Variants in BICC1 observed in about 807,000 individuals in gnomAD.
BICC1 encodes protein bicaudal C homolog 1.
A neutral mutation model predicts 111.0 loss-of-function variants in BICC1; 43 were observed. That is an observed-to-expected ratio of 0.39 (90% CI 0.30 to 0.50). The LOEUF is 0.50. BICC1 is among the 20% of genes least tolerant of loss of function. BICC1 has a pLI of 0.88. For synonymous variants in BICC1, 467 were observed against 434.4 expected (o/e 1.07, Z -0.93); for missense variants, 1,091 against 1,203.2 (o/e 0.91, Z 1.38).
chr10:58,661,956 A>G (rs1305433765), intron 2 of BICC1, among the ~76,000 whole-genome samples: 1 of 152,218 alleles, frequency 6.6e-6, no homozygotes, highest in East Asian at 1.9e-4. Context: ...TTTTAACCTT[A>G]GAACTGTCAC....
chr10:58,538,210 C>G (rs1364267402), intron 1 of BICC1, among the ~76,000 whole-genome samples: 1 of 151,810 alleles, frequency 6.6e-6, no homozygotes, highest in African/African-American at 2.4e-5. Context: ...CATCACATTA[C>G]CTAACTTCAA....
At chr10:58,700,201 T>C (rs1840189196) in intron 2 of BICC1, among the ~76,000 whole-genome samples, 1 of 151,756 alleles carries the variant, frequency 6.6e-6, no homozygotes, top group African/African-American at 2.4e-5. Context: ...GTGGGAAAAA[T>C]AATTGTGGTT....
intron 3 of BICC1, among the ~76,000 whole-genome samples, chr10:58,756,909 G>A (rs748807915): frequency 2.6e-5 from 4 of 152,146 alleles, no homozygotes; most frequent in Non-Finnish European, 5.9e-5. Flanking sequence ...TTCCTTGGTA[G>A]TTGGATTTCA....
intron 1 of BICC1, among the ~76,000 whole-genome samples, chr10:58,530,388 G>T (rs539522499): frequency 6.6e-6 from 1 of 151,926 alleles, no homozygotes; most frequent in East Asian, 1.9e-4. Context: ...GAGAGGCATT[G>T]GTCTGTCAGC....
Position 58,518,590 on chromosome 10 carries a change from T to TTG in BICC1, c.190+5257_190+5258insTG, listed in dbSNP as rs1564468222. On this transcript the variant is annotated intron_variant, in intron 1 of 20. Transcript: ENST00000373886. ...GTGAATCCTTTGTGTATGTGTGTGT[T>TTG]GGGGGGGGGGGGGTGTGTTTGATGT... 2.0e-4 allele frequency among the ~76,000 whole-genome samples: 7 copies of TTG among 35,336 alleles called. 1 individual carries two copies. Among genetic ancestry groups the TTG allele is most frequent in the Admixed American group, 8.1e-4 (3 of 3,702 alleles). The allele number at this position is 35,336 out of a possible 152,430, so 23.2% of individuals were successfully genotyped here.
chr10:58,564,831 AT>A (rs1843708093), intron 1 of BICC1, among the ~76,000 whole-genome samples: 1 of 152,152 alleles, frequency 6.6e-6, no homozygotes. Context: ...TCCCTTTTTT[AT>A]TTATTTTGGC....
intron 20 of BICC1, among the ~76,000 whole-genome samples, chr10:58,822,407 T>G (rs1844277165): frequency 6.6e-6 from 1 of 152,138 alleles, no homozygotes; most frequent in Non-Finnish European, 1.5e-5. Context: ...TATATCAGTA[T>G]CTTTTGGGGG....
At chr10:58,804,526 A>T (rs1253965302) in intron 15 of BICC1, among the ~76,000 whole-genome samples, 2 of 152,198 alleles carry the variant, frequency 1.3e-5, no homozygotes, top group African/African-American at 4.8e-5. Flanking sequence ...TCAAAAATTA[A>T]AAATAAATAA....
chr10:58,634,801 A>G (rs929259524), intron 2 of BICC1, among the ~76,000 whole-genome samples: 2 of 152,208 alleles, frequency 1.3e-5, no homozygotes, highest in African/African-American at 4.8e-5. Context: ...AATAACATGC[A>G]TTTTGTATGT....
intron 3 of BICC1, among the ~76,000 whole-genome samples, chr10:58,722,697 A>G (rs1840977044): frequency 6.6e-6 from 1 of 152,236 alleles, no homozygotes; most frequent in Non-Finnish European, 1.5e-5. Context: ...AGAAGTAGCA[A>G]CTAATACTTA....
At position 58,513,178 on chromosome 10, in the gene BICC1, C is replaced by A; in HGVS notation, c.35C>A (p.Ala12Glu). 1 of 1,576,542 alleles carries A rather than the reference C, an allele frequency of 6.3e-7. No individual in the cohort carries two copies. Among genetic ancestry groups the A allele is most frequent in the Non-Finnish European group, 8.6e-7 (1 of 1,163,816 alleles). Reference sequence around the variant, plus strand: ...CAGGGAGAGCCCGGCTACCTGGCGGCGCAGTCGGACCCCGGCTCCAACAGC... The same window carrying A: ...CAGGGAGAGCCCGGCTACCTGGCGGAGCAGTCGGACCCCGGCTCCAACAGC... ...AAQGEPGYLA[A>E]QSDPGSNSER... Residue 12 changes from alanine to glutamate, a missense_variant, in exon 1 of 21, where the codon GCG becomes GAG. Transcript: ENST00000373886.
intron 1 of BICC1, among the ~76,000 whole-genome samples, chr10:58,513,623 C>T (rs1485524170): frequency 6.6e-6 from 1 of 152,240 alleles, no homozygotes; most frequent in East Asian, 1.9e-4. Context: ...GCGTTCTGGA[C>T]TTTGGAGATG....
intron 1 of BICC1, among the ~76,000 whole-genome samples, chr10:58,585,362 C>T (rs549271147): frequency 1.3e-5 from 2 of 152,130 alleles, no homozygotes; most frequent in South Asian, 2.1e-4. Context: ...TTCCTAAGGA[C>T]GGGTGCTATC....
intron 2 of BICC1, among the ~76,000 whole-genome samples, chr10:58,631,015 A>T (rs1300835489): frequency 1.2e-4 from 19 of 152,192 alleles, no homozygotes; most frequent in Non-Finnish European, 2.4e-4. Flanking sequence ...AGTTACCAGC[A>T]TTATTCAAGA....
intron 15 of BICC1, among the ~76,000 whole-genome samples, chr10:58,803,641 C>A (rs1314682380): frequency 6.6e-6 from 1 of 151,936 alleles, no homozygotes; most frequent in African/African-American, 2.4e-5. Flanking sequence ...GTGTTTGGTG[C>A]CATTTAAAGA....
At chr10:58,682,380 C>T (rs1839556420) in intron 2 of BICC1, among the ~76,000 whole-genome samples, 1 of 151,474 alleles carries the variant, frequency 6.6e-6, no homozygotes, top group East Asian at 1.9e-4. Context: ...TGGGTATATA[C>T]CTAGTAATAG....
intron 2 of BICC1, among the ~76,000 whole-genome samples, chr10:58,686,319 T>C (rs913522237): frequency 2.0e-5 from 3 of 152,228 alleles, no homozygotes; most frequent in African/African-American, 7.2e-5. Context: ...ATTTCAACTT[T>C]GGTGAATCTG....
chr10:58,784,841 A>G (rs1842966848), intron 3 of BICC1, among the ~76,000 whole-genome samples, 160 bp from the exon 4 acceptor site: 2 of 152,174 alleles, frequency 1.3e-5, no homozygotes, highest in African/African-American at 4.8e-5. Context: ...TGTTGTTGTT[A>G]CAATAACACA....
chr10:58,764,675 T>C (rs897980237), intron 3 of BICC1, among the ~76,000 whole-genome samples: 3 of 151,502 alleles, frequency 2.0e-5, no homozygotes, highest in Non-Finnish European at 4.4e-5. Context: ...TTTTCCACTT[T>C]CTTTCTCCTA....
Sources: gnomAD v4.1 joint callset for allele counts (sites outside exome capture counted in the v4.1 genomes callset) on GRCh38, gnomAD v4.1.1 for gene constraint, MANE v1.5 for transcripts, NCBI Gene and HGNC (gene_info 2026-07-23, HGNC 2026-07-21) for gene names.